The following RBFOX3 variants were observed in gnomAD, a reference collection of about 807,000 sequenced individuals.
The protein encoded by RBFOX3 is RNA binding fox-1 homolog 3.
In RBFOX3, 17 loss-of-function variants were observed where a neutral mutation model predicts 48.7. The ratio of observed to expected loss-of-function variants is 0.35; its 90% confidence interval spans 0.24 to 0.52. RBFOX3 has a LOEUF of 0.52. RBFOX3 is among the 20% of genes least tolerant of loss of function. The pLI, the probability that RBFOX3 is intolerant of heterozygous loss-of-function variation, is 0.94. For synonymous variants in RBFOX3, 212 were observed against 209.5 expected (o/e 1.01, Z -0.10); for missense variants, 382 against 497.5 (o/e 0.77, Z 2.21).
Position 79,103,120 on chromosome 17 carries a change from C to T in RBFOX3, c.507+42G>A, listed in dbSNP as rs1216899107. 17 of 1,446,800 alleles carry T rather than the reference C, an allele frequency of 1.2e-5. No individual in the cohort carries two copies. Among genetic ancestry groups the T allele is most frequent in the African/African-American group, 1.4e-5 (1 of 70,892 alleles). 89.6% of individuals were successfully genotyped at this position (1,446,800 alleles called of 1,614,324 possible). ...TTGGGGGAGCTGGGGGGCAGGTGGG[C>T]GATCTTGGGGCATCCCTGCCGCAGC... On this transcript the variant is annotated intron_variant, in intron 8 of 14. Transcript: ENST00000693108. This position sits in a 1 kb window ranked among gnomAD's most constrained non-coding sequence, Gnocchi z 6.1.
At chr17:79,216,491 G>C (rs982224913) in intron 4 of RBFOX3, among the ~76,000 whole-genome samples, 2 of 152,166 alleles carry the variant, frequency 1.3e-5, no homozygotes, top group Non-Finnish European at 2.9e-5. Context: ...GGTAGGACCA[G>C]CATGAGGCCA....
chr17:79,600,307 C>T (rs1189685358), intron 1 of RBFOX3: 3 of 152,258 alleles, frequency 2.0e-5, no homozygotes, highest in Non-Finnish European at 2.9e-5. Context: ...CACATGCACA[C>T]ATACAGGATG....
At chr17:79,555,996 G>A (rs1437621349) in intron 1 of RBFOX3, among the ~76,000 whole-genome samples, 3 of 152,110 alleles carry the variant, frequency 2.0e-5, no homozygotes, top group African/African-American at 7.3e-5. Flanking sequence ...GTGAAGACAG[G>A]CCCCATTGGA....
intron 4 of RBFOX3, among the ~76,000 whole-genome samples, chr17:79,196,999 G>T (rs116003092): frequency 1.3e-5 from 2 of 152,190 alleles, no homozygotes; most frequent in African/African-American, 4.8e-5. Context: ...GTGGACTGAC[G>T]CCTGCTAACA....
At chr17:79,194,436 G>C (rs911845555) in intron 4 of RBFOX3, among the ~76,000 whole-genome samples, 5 of 152,060 alleles carry the variant, frequency 3.3e-5, no homozygotes, top group African/African-American at 1.2e-4. Context: ...GTGAAACCCT[G>C]TCTCTACTAA....
At chr17:79,349,969 G>T (rs146487433) in intron 2 of RBFOX3, among the ~76,000 whole-genome samples, 67 of 152,294 alleles carry the variant, frequency 4.4e-4, no homozygotes, top group South Asian at 1.5e-3. Flanking sequence ...CAGGAGGAGA[G>T]GCTCCAGAAA....
intron 3 of RBFOX3, among the ~76,000 whole-genome samples, chr17:79,240,706 C>T (rs2062230414): frequency 3.3e-5 from 5 of 152,182 alleles, no homozygotes. Context: ...CTCTGTCACC[C>T]AGGCTGGAGT....
At chr17:79,170,155 GAGGAGGA>G (rs1568273783) in intron 4 of RBFOX3, among the ~76,000 whole-genome samples, 2 of 150,548 alleles carry the variant, frequency 1.3e-5, no homozygotes, top group South Asian at 4.2e-4. Flanking sequence ...GGAAGGAAGG[GAGGAGGA>G]AGGAGGAAGG....
chr17:79,491,711 G>A (rs2080691749), intron 1 of RBFOX3, among the ~76,000 whole-genome samples: 1 of 152,170 alleles, frequency 6.6e-6, no homozygotes, highest in African/African-American at 2.4e-5. Flanking sequence ...GGGGCCTTCA[G>A]CTTGGTGATG....
rs2058739976 is a variant in RBFOX3 at position 79,214,366 on chromosome 17, T to C, written c.-34+21400A>G. On this transcript the variant is annotated intron_variant, in intron 4 of 14. Coordinates refer to ENST00000693108, the MANE Select transcript of RBFOX3 (RefSeq NM_001350451.2). This position sits in a 1 kb window ranked among gnomAD's most constrained non-coding sequence, Gnocchi z 4.7. ...CATGGAGGAAAGCCCTGTCTCCTCA[T>C]TAATTAGACAAGCCCTCCCGCCCGC... 6.6e-6 allele frequency among the ~76,000 whole-genome samples: 1 copy of C among 152,192 alleles called. No individual in the cohort carries two copies. The highest frequency in any genetic ancestry group is 6.5e-5 in the Admixed American group (1 of 15,288).
Position 79,397,220 on chromosome 17 carries a change from C to T in RBFOX3, c.-175+85234G>A, listed in dbSNP as rs149591774. Among the ~76,000 whole-genome samples the T allele has an allele frequency of 6.4e-3, 968 of 152,214 alleles. 15 individuals carry two copies. Among genetic ancestry groups the T allele is most frequent in the African/African-American group, 0.022 (917 of 41,510 alleles). On this transcript the variant is annotated intron_variant, in intron 2 of 14. Coordinates refer to ENST00000693108, the MANE Select transcript of RBFOX3 (RefSeq NM_001350451.2). ...AGCGTGGGCTGGGCGCAGTGGCTCA[C>T]GCCTGAAATCCCAGCACTTTGGGAG...
chr17:79,094,340 T>C (rs999072865), intron 14 of RBFOX3, 111 bp downstream of exon 14: 1 of 734,630 alleles, frequency 1.4e-6, no homozygotes, highest in Non-Finnish European at 2.1e-6. Context: ...TTCCAAAGTC[T>C]CCGGGACCAA....
intron 2 of RBFOX3, among the ~76,000 whole-genome samples, chr17:79,428,550 C>T (rs1223911929): frequency 6.6e-6 from 1 of 152,236 alleles, no homozygotes; most frequent in Non-Finnish European, 1.5e-5. Context: ...ACAGGTGACC[C>T]ACGGGCCTTC....
At chr17:79,093,550 A>G (rs866764797) in intron 14 of RBFOX3, among the ~76,000 whole-genome samples, 1,386 of 68,402 alleles carry the variant, frequency 0.02, 6 homozygotes, top group Admixed American at 0.039. Context: ...TAAAAATTGA[A>G]AAAAAAAAAA....
At chr17:79,316,602 C>T (rs372869267) in intron 2 of RBFOX3, among the ~76,000 whole-genome samples, 5 of 152,332 alleles carry the variant, frequency 3.3e-5, no homozygotes, top group East Asian at 3.9e-4. Context: ...TGTCCTTCCT[C>T]CCAGAGCCCC....
chr17:79,660,768 C>T, the RBFOX3 span, among the ~76,000 whole-genome samples: 6 of 152,138 alleles, frequency 3.9e-5, no homozygotes, highest in African/African-American at 1.2e-4. Context: ...ACCCAGCAAT[C>T]CCATTACTGA....
At chr17:79,239,543 C>T (rs533615821) in intron 3 of RBFOX3, among the ~76,000 whole-genome samples, 2 of 152,338 alleles carry the variant, frequency 1.3e-5, no homozygotes, top group East Asian at 3.9e-4. Flanking sequence ...TCCACACTCC[C>T]AGAGTCCACT....
chr17:79,097,819 C>T lies in RBFOX3; in HGVS notation c.569-74G>A, dbSNP rs527648744. On this transcript the variant is annotated intron_variant, in intron 9 of 14. Transcript: ENST00000693108. ...CCCACCAAAACGTATGCCTGGGAAC[C>T]CCAGCGACACCGGTGGAGCCCTTGG... 113 of 1,456,850 alleles carry T rather than the reference C, an allele frequency of 7.8e-5. No individual in the cohort carries two copies. The South Asian group carries it at 1.3e-3, about 17-fold the overall frequency. 90.2% of individuals were successfully genotyped at this position (1,456,850 alleles called of 1,614,324 possible).
chr17:79,113,901 G>C (rs960670835), intron 5 of RBFOX3, among the ~76,000 whole-genome samples: 1 of 152,204 alleles, frequency 6.6e-6, no homozygotes, highest in African/African-American at 2.4e-5. Context: ...CTGGTAGGCT[G>C]TGTCTGGTGG....
Sources: allele counts gnomAD v4.1 joint callset (sites outside exome capture counted in the v4.1 genomes callset), GRCh38; gene constraint gnomAD v4.1.1; non-coding constraint Gnocchi (gnomAD v3.1); transcripts MANE v1.5; gene names NCBI Gene and HGNC (gene_info 2026-07-23, HGNC 2026-07-21).